Variants in EGR2 observed in about 807,000 individuals in gnomAD.
The protein encoded by EGR2 is E3 SUMO-protein ligase EGR2.
In EGR2, 2 loss-of-function variants were observed where a neutral mutation model predicts 21.2. That is an observed-to-expected ratio of 0.09 (90% confidence interval 0.04 to 0.30). The LOEUF is 0.30. EGR2 is among the 10% of genes least tolerant of loss of function. The pLI is 1.00. For missense variants in EGR2, 458 were observed against 630.2 expected, an observed-to-expected ratio of 0.73 and a Z score of 2.93; for synonymous variants, 282 against 258.2, an observed-to-expected ratio of 1.09 and a Z score of -0.88.
chr10:62,816,576 G>A (rs562125074), upstream of EGR2, among the ~76,000 whole-genome samples: 2 of 152,270 alleles, frequency 1.3e-5, no homozygotes, highest in South Asian at 2.1e-4. Context: ...CCGGGCGCGC[G>A]GCCCTAGCTG....
At position 62,813,511 on chromosome 10, in the gene EGR2, A is replaced by C. The variant is rs2132702642; in HGVS notation, c.1127T>G (p.Met376Arg). The C allele has an allele frequency of 6.2e-7, 1 of 1,614,022 alleles. No homozygotes were observed. Among genetic ancestry groups the C allele is most frequent in the Non-Finnish European group, 8.5e-7 (1 of 1,180,050 alleles). The change falls in exon 2 of 2, where the codon ATG becomes AGG. Residue 376 changes from methionine (M) to arginine (R), a missense_variant. Around this residue, in one of 5 missense-constraint regions of EGR2, gnomAD observed 39 missense variants for 113.7 expected, o/e 0.34. Transcript: ENST00000242480. This position sits in a 1 kb window ranked among gnomAD's most constrained non-coding sequence, Gnocchi z 5.7. Reference protein sequence around the residue: ...GHKPFQCRICMRNFSRSDHLT... With the variant: ...GHKPFQCRICRRNFSRSDHLT... ...GTGGTCACTGCGGCTGAAGTTGCGC[A>C]TGCAGATCCGACACTGGAAGGGCTT...
At chr10:62,815,210 G>A (rs1274542847) in intron 1 of EGR2, among the ~76,000 whole-genome samples, 3 of 152,354 alleles carry the variant, frequency 2.0e-5, no homozygotes, top group Admixed American at 2.0e-4. Flanking sequence ...CGGCGTCGCC[G>A]GTGCCCCCGC....
At chr10:62,818,322 G>T (rs569286218), upstream of EGR2, among the ~76,000 whole-genome samples, 2 of 152,210 alleles carry the variant, frequency 1.3e-5, no homozygotes, top group African/African-American at 4.8e-5. Context: ...TCCAGCGGCC[G>T]GCCATCTCTC....
Position 62,813,721 on chromosome 10 carries a change from G to A in EGR2, c.917C>T (p.Ala306Val). The change falls in exon 2 of 2, where the codon GCC becomes GTC. Residue 306 changes from alanine (A) to valine (V), a missense_variant. Physicochemically the swap from Ala to Val is moderately conservative, Grantham distance 64. This residue lies in a region of EGR2 where 253 missense variants were observed against 315.5 expected (regional missense o/e 0.80). Coordinates refer to ENST00000242480, the MANE Select transcript of EGR2 (RefSeq NM_000399.5). The surrounding 1 kb of genome is among the most constrained non-coding windows in gnomAD (Gnocchi z 5.7). ...GTGGTGTGGGTTATAGGCGGCGGCG[G>A]CGGCGGCTGCTGCTGCTGCTGAGCT... ...GSSSAAAAAA[A>V]AAAYNPHHLP... is the part of the protein sequence containing the mutation. The A allele has an allele frequency of 6.2e-7, 1 of 1,611,288 alleles. No individual in the cohort carries two copies. The highest frequency in any genetic ancestry group is 8.5e-7 in the Non-Finnish European group (1 of 1,179,502).
Position 62,812,900 on chromosome 10 carries a change from G to A in EGR2, c.*307C>T. 3.5e-6 allele frequency: 1 copy of A among 289,364 alleles called. No individual in the cohort carries two copies. Among genetic ancestry groups the A allele is most frequent in the South Asian group, 1.4e-4 (1 of 7,370 alleles). The allele number at this position is 289,364 out of a possible 1,614,324, so 17.9% of individuals were successfully genotyped here. On this transcript the variant is annotated 3_prime_UTR_variant, in exon 2 of 2. Transcript: ENST00000242480. ...AGGGGAAGTGGGGTAGCAAAACCTA[G>A]TCAAACAACCCTTTAAAGCAGGGTC...
Position 62,814,022 on chromosome 10 carries a change from G to A in EGR2, c.616C>T (p.Pro206Ser). 2 of 1,614,208 alleles carry A rather than the reference G, an allele frequency of 1.2e-6. No individual in the cohort carries two copies. The highest frequency in any genetic ancestry group is 8.5e-7 in the Non-Finnish European group (1 of 1,180,014). Residue 206 changes from proline (P) to serine (S), a missense_variant, in exon 2 of 2, where the codon CCT becomes TCT. By Grantham distance (74) the Pro-to-Ser change is moderately conservative. Coordinates refer to ENST00000242480, the MANE Select transcript of EGR2 (RefSeq NM_000399.5). This position sits in a 1 kb window ranked among gnomAD's most constrained non-coding sequence, Gnocchi z 4.8. ...GCTGGCTTGGGGGATGGATAGGAAG[G>A]AGGTGGTGGGTAGGCCAGAGAGGAA... is the stretch of plus-strand genomic sequence containing the variant. Reference protein sequence around the residue: ...TSSSLAYPPPPSYPSPKPATD... With the variant: ...TSSSLAYPPPSSYPSPKPATD...
At chr10:62,818,739 G>A (rs958996230), upstream of EGR2, 1 of 502,712 alleles carries the variant, frequency 2.0e-6, no homozygotes, top group Non-Finnish European at 2.8e-6. Flanking sequence ...CCCCTTAGGT[G>A]AGGCACCCAC....
Position 62,814,218 on chromosome 10 carries a change from G to T in EGR2, c.420C>A (p.Ser140=), listed in dbSNP as rs770378560. Residue 140 remains serine (S), a synonymous_variant, in exon 2 of 2, where the codon TCC becomes TCA. Coordinates refer to ENST00000242480, the MANE Select transcript of EGR2 (RefSeq NM_000399.5). The surrounding 1 kb of genome is among the most constrained non-coding windows in gnomAD (Gnocchi z 4.8). Reference sequence around the variant, plus strand: ...GGGGTCCTGTGGCCAGTGGGTTGGGGGAGGCAGAGGTGACGCTGGATGAGG... The same window carrying T: ...GGGGTCCTGTGGCCAGTGGGTTGGGTGAGGCAGAGGTGACGCTGGATGAGG... The part of the protein sequence containing the change: ...TTASSSVTSA[S]PNPLATGPLG... 3 of 1,614,174 alleles carry T rather than the reference G, an allele frequency of 1.9e-6. No homozygotes were observed. The highest frequency in any genetic ancestry group is 2.5e-6 in the Non-Finnish European group (3 of 1,180,008).
chr10:62,814,439 C>T lies in EGR2; in HGVS notation c.199G>A (p.Glu67Lys). ...TATGGGAGATCCAACGACCTCTTCT[C>T]TCCAGTCATGTCAATGTTGATCATG... ...DGMINIDMTG[E>K]KRSLDLPYPS... is the part of the protein sequence containing the mutation. Residue 67 changes from glutamate (E) to lysine (K), a missense_variant, in exon 2 of 2, where the codon GAG becomes AAG. Glu to Lys is a moderately conservative substitution (Grantham distance 56). Coordinates refer to ENST00000242480, the MANE Select transcript of EGR2 (RefSeq NM_000399.5). This position sits in a 1 kb window ranked among gnomAD's most constrained non-coding sequence, Gnocchi z 4.8. The T allele has an allele frequency of 6.2e-7, 1 of 1,614,116 alleles. No individual in the cohort carries two copies. Among genetic ancestry groups the T allele is most frequent in the Non-Finnish European group, 8.5e-7 (1 of 1,180,006 alleles).
Position 62,814,392 on chromosome 10 carries a change from G to C in EGR2, c.246C>G (p.Val82=), listed in dbSNP as rs144217451. 219 of 1,614,186 alleles carry C rather than the reference G, an allele frequency of 1.4e-4. No homozygotes were observed. The African/African-American group carries it at 2.6e-3, about 19-fold the overall frequency. The change falls in exon 2 of 2, where the codon GTC becomes GTG. Residue 82 remains valine, a synonymous_variant. Transcript: ENST00000242480. The surrounding 1 kb of genome is among the most constrained non-coding windows in gnomAD (Gnocchi z 4.8). The part of the protein sequence containing the change: ...DLPYPSSFAP[V]SAPRNQTFTY... ...TGAAGGTCTGGTTTCTAGGTGCAGA[G>C]ACGGGAGCAAAGCTGCTGGGATATG...
At position 62,814,594 on chromosome 10, in the gene EGR2, G is replaced by T. The variant is rs1247715855; in HGVS notation, c.170-126C>A. 1.0e-6 allele frequency: 1 copy of T among 953,408 alleles called. No individual in the cohort carries two copies. The highest frequency in any genetic ancestry group is 1.6e-6 in the Non-Finnish European group (1 of 608,144). The allele number at this position is 953,408 out of a possible 1,614,324, so 59.1% of individuals were successfully genotyped here. A position where few individuals can be genotyped will look rare whatever the true frequency, so the allele number is the denominator to read the frequency against. ...CTCAGCACTGTAGAGCTGTGGCAAA[G>T]TCCAAAAGGTGGGGAAATTGAGGCC... On this transcript the variant is annotated intron_variant, in intron 1 of 1. Coordinates refer to ENST00000242480, the MANE Select transcript of EGR2 (RefSeq NM_000399.5). The surrounding 1 kb of genome is among the most constrained non-coding windows in gnomAD (Gnocchi z 4.8).
In EGR2 at chr10:62,816,251, ACTCT is replaced by A; in HGVS notation, c.-226_-223del. ...TAAGAAAAATGTCTATTTGCCACTG[ACTCT>A]CTCCTGTCTGTGTTCCGGCTGCTGG... On this transcript the variant is annotated 5_prime_UTR_variant, in exon 1 of 2. Transcript: ENST00000242480. 5.0e-6 allele frequency: 7 copies of A among 1,408,560 alleles called. No individual in the cohort carries two copies. The highest frequency in any genetic ancestry group is 5.6e-6 in the Non-Finnish European group (6 of 1,079,768). 87.3% of individuals were successfully genotyped at this position (1,408,560 alleles called of 1,614,324 possible). A position where few individuals can be genotyped will look rare whatever the true frequency, so the allele number is the denominator to read the frequency against.
In EGR2 at chr10:62,816,293, T is replaced by G. The variant is rs1417856819; in HGVS notation, c.-264A>C. On this transcript the variant is annotated 5_prime_UTR_variant, in exon 1 of 2. Coordinates refer to ENST00000242480, the MANE Select transcript of EGR2 (RefSeq NM_000399.5). Reference sequence around the variant, plus strand: ...TTCCGGCTGCTGGGAAGCCAGGAGTTGCTGGTGTAGTGTTATTATAACAGT... The same window carrying G: ...TTCCGGCTGCTGGGAAGCCAGGAGTGGCTGGTGTAGTGTTATTATAACAGT... The G allele has an allele frequency of 5.2e-6, 7 of 1,343,178 alleles. No individual in the cohort carries two copies. The highest frequency in any genetic ancestry group is 5.8e-6 in the Non-Finnish European group (6 of 1,042,642). 83.2% of individuals were successfully genotyped at this position (1,343,178 alleles called of 1,614,324 possible).
upstream of EGR2, chr10:62,816,457 C>T: frequency 1.0e-6 from 1 of 960,064 alleles, no homozygotes; most frequent in Non-Finnish European, 1.3e-6. Context: ...CAGGGCTGGG[C>T]CAGGCGGCTT....
upstream of EGR2, among the ~76,000 whole-genome samples, chr10:62,817,123 G>C (rs1217873130): frequency 6.6e-6 from 1 of 152,106 alleles, no homozygotes; most frequent in Non-Finnish European, 1.5e-5. The surrounding 1 kb of genome is among the most constrained non-coding windows in gnomAD (Gnocchi z 4.4). Flanking sequence ...AATTACTGTG[G>C]GGAGCTTCGA....
Position 62,813,929 on chromosome 10 carries a change from C to T in EGR2, c.709G>A (p.Asp237Asn), listed in dbSNP as rs1480416022. The stretch of plus-strand genomic sequence containing the variant: ...TCTGGGCCAGCTGTACCATGTAGGT[C>T]TCTCTGGCACTGAGATGGAAAGAAT... ...PGFFPSQCQR[D>N]LHGTAGPDRK... Residue 237 changes from aspartate to asparagine, a missense_variant, in exon 2 of 2, where the codon GAC (aspartate) becomes AAC (asparagine). By Grantham distance (23) the Asp-to-Asn change is conservative. Transcript: ENST00000242480. This position sits in a 1 kb window ranked among gnomAD's most constrained non-coding sequence, Gnocchi z 5.7. 6.2e-7 allele frequency: 1 copy of T among 1,614,044 alleles called. No individual in the cohort carries two copies. The highest frequency in any genetic ancestry group is 1.7e-5 in the Admixed American group (1 of 60,014).
chr10:62,815,423 C>T (rs1222516869), intron 1 of EGR2, among the ~76,000 whole-genome samples: 3 of 152,246 alleles, frequency 2.0e-5, no homozygotes, highest in Admixed American at 6.5e-5. Context: ...CAGGAGGGAG[C>T]TACCGACGCT....
upstream of EGR2, among the ~76,000 whole-genome samples, chr10:62,817,319 G>T (rs1017609403): frequency 1.3e-5 from 2 of 151,942 alleles, no homozygotes; most frequent in African/African-American, 4.8e-5. This position sits in a 1 kb window ranked among gnomAD's most constrained non-coding sequence, Gnocchi z 4.4. Context: ...ACTCACACTC[G>T]CTCCACTTCC....
Position 62,813,034 on chromosome 10 carries a change from T to G in EGR2, c.*173A>C. On this transcript the variant is annotated 3_prime_UTR_variant, in exon 2 of 2. Coordinates refer to ENST00000242480, the MANE Select transcript of EGR2 (RefSeq NM_000399.5). This position sits in a 1 kb window ranked among gnomAD's most constrained non-coding sequence, Gnocchi z 5.7. ...TAAGAGAGACTAGAATGGGCTAAGT[T>G]TTAGGAAGAACCTGCTTCTAGGTGG... The G allele has an allele frequency of 1.4e-6, 1 of 704,244 alleles. No homozygotes were observed. Among genetic ancestry groups the G allele is most frequent in the South Asian group, 2.4e-5 (1 of 41,414 alleles). 43.6% of individuals were successfully genotyped at this position (704,244 alleles called of 1,614,324 possible). A position where few individuals can be genotyped will look rare whatever the true frequency, so the allele number is the denominator to read the frequency against.
Sources: allele counts gnomAD v4.1 joint callset (sites outside exome capture counted in the v4.1 genomes callset), GRCh38; gene constraint gnomAD v4.1.1; regional missense constraint gnomAD v4.1.1; non-coding constraint Gnocchi (gnomAD v3.1); transcripts MANE v1.5; gene names NCBI Gene and HGNC (gene_info 2026-07-23, HGNC 2026-07-21).